NEBL: variants seen among roughly 807,000 people sequenced by gnomAD.
NEBL encodes LIM and SH3 protein 2.
Under a neutral mutation model 140.2 loss-of-function variants are expected in NEBL, and 122 were observed. That is an observed-to-expected ratio of 0.87 (90% CI 0.75 to 1.01). The LOEUF (loss-of-function observed/expected upper bound fraction) is 1.01. Ranked by LOEUF, NEBL falls within the 50% of genes least tolerant of loss-of-function variation. The probability of loss-of-function intolerance (pLI) is 0.00; values close to 1 mark genes in which losing one functional copy is unlikely to be tolerated. For missense variants in NEBL, 1,365 were observed against 1,231.3 expected (o/e 1.11, Z -1.62); for synonymous variants, 436 against 398.9 (o/e 1.09, Z -1.11).
At chr10:20,872,942 T>C (rs1258797386) in intron 5 of NEBL, among the ~76,000 whole-genome samples, 1 of 152,256 alleles carries the variant, frequency 6.6e-6, no homozygotes, top group Admixed American at 6.5e-5. Flanking sequence ...CTGCTCTGTC[T>C]ACGGAGTAGC....
chr10:21,278,363 G>A (rs1842949716), intron 1 of NEBL, among the ~76,000 whole-genome samples: 1 of 152,222 alleles, frequency 6.6e-6, no homozygotes, highest in Admixed American at 6.5e-5. Flanking sequence ...AGGATCACTT[G>A]AGCCCAGGAC....
intron 3 of NEBL, among the ~76,000 whole-genome samples, chr10:21,247,087 G>A (rs1842526342): frequency 6.6e-6 from 1 of 152,068 alleles, no homozygotes. Flanking sequence ...ATGTGAAGAT[G>A]TGCCTGCTTC....
chr10:21,092,188 T>C (rs1374674880), intron 2 of NEBL, among the ~76,000 whole-genome samples: 1 of 152,194 alleles, frequency 6.6e-6, no homozygotes, highest in Middle Eastern at 3.2e-3. Flanking sequence ...TGGTCTTTCA[T>C]TGATTGTGGG....
At chr10:21,038,694 T>C (rs553435904) in intron 2 of NEBL, among the ~76,000 whole-genome samples, 3 of 152,326 alleles carry the variant, frequency 2.0e-5, no homozygotes, top group African/African-American at 7.2e-5. Context: ...GTCTTTATAG[T>C]AGAATGATTT....
chr10:21,144,722 G>A (rs541898371), intron 2 of NEBL, among the ~76,000 whole-genome samples: 18 of 151,874 alleles, frequency 1.2e-4, no homozygotes, highest in South Asian at 6.2e-4. Flanking sequence ...GTGAGACTCT[G>A]TCTCAAAAAA....
At chr10:20,939,564 G>C (rs1834723831) in intron 4 of NEBL, among the ~76,000 whole-genome samples, 1 of 152,150 alleles carries the variant, frequency 6.6e-6, no homozygotes, top group Admixed American at 6.5e-5. Flanking sequence ...ATAATGACAG[G>C]ATCAAATTCA....
At chr10:21,043,449 T>G (rs1196872839) in intron 2 of NEBL, among the ~76,000 whole-genome samples, 1 of 152,214 alleles carries the variant, frequency 6.6e-6, no homozygotes, top group Non-Finnish European at 1.5e-5. Flanking sequence ...AATGCTAAAC[T>G]TTCTCATTTA....
intron 2 of NEBL, among the ~76,000 whole-genome samples, chr10:21,133,849 G>C (rs1318282334): frequency 6.6e-6 from 1 of 152,144 alleles, no homozygotes; most frequent in Non-Finnish European, 1.5e-5. Context: ...GGAACCACTT[G>C]ATGCTGATGG....
chr10:21,094,968 G>GGATCC (rs1158828109), intron 2 of NEBL, among the ~76,000 whole-genome samples: 1 of 152,148 alleles, frequency 6.6e-6, no homozygotes, highest in Non-Finnish European at 1.5e-5. Flanking sequence ...TTAGGTGAAG[G>GGATCC]GATCCAAAGT....
chr10:20,956,775 A>G (rs1447551719), intron 4 of NEBL, among the ~76,000 whole-genome samples: 9 of 152,202 alleles, frequency 5.9e-5, no homozygotes, highest in African/African-American at 1.9e-4. Flanking sequence ...CATATTTAAA[A>G]AAAAAAGTTT....
chr10:20,933,534 G>A (rs955331749), intron 4 of NEBL, among the ~76,000 whole-genome samples: 4 of 152,124 alleles, frequency 2.6e-5, no homozygotes, highest in African/African-American at 9.7e-5. Context: ...AGGAGTTCAA[G>A]ACCAGCCTGG....
intron 3 of NEBL, among the ~76,000 whole-genome samples, chr10:21,245,186 G>A (rs1455781691): frequency 1.3e-5 from 2 of 151,848 alleles, no homozygotes; most frequent in Non-Finnish European, 2.9e-5. Flanking sequence ...TAAAAAGTCA[G>A]CATTTATAAA....
At chr10:21,269,973 T>C (rs1842843023) in intron 1 of NEBL, among the ~76,000 whole-genome samples, 1 of 152,248 alleles carries the variant, frequency 6.6e-6, no homozygotes, top group African/African-American at 2.4e-5. Context: ...TTGTTTGTTT[T>C]CAAATTCTCT....
intron 2 of NEBL, among the ~76,000 whole-genome samples, chr10:21,048,509 T>G (rs611992): frequency 0.58 from 86,038 of 147,468 alleles, 25,021 homozygotes; most frequent in Non-Finnish European, 0.61. Flanking sequence ...TAGCACCACA[T>G]GAGTTTTAAA....
intron 4 of NEBL, among the ~76,000 whole-genome samples, chr10:20,923,342 T>C (rs1252430962): frequency 6.6e-6 from 1 of 152,010 alleles, no homozygotes; most frequent in Non-Finnish European, 1.5e-5. Flanking sequence ...ACTGGGATCA[T>C]AGGCATGAAA....
intron 3 of NEBL, among the ~76,000 whole-genome samples, chr10:20,964,993 A>G (rs562026467): frequency 6.6e-6 from 1 of 152,228 alleles, no homozygotes; most frequent in Non-Finnish European, 1.5e-5. Context: ...AAATACAAAC[A>G]TGTAAATTTC....
chr10:21,149,153 A>T (rs1417605508), intron 2 of NEBL, among the ~76,000 whole-genome samples: 13 of 152,200 alleles, frequency 8.5e-5, no homozygotes, highest in Non-Finnish European at 1.8e-4. Flanking sequence ...GAAGCGTCCC[A>T]AAAAGGCCCA....
At chr10:21,043,263 T>G (rs1349758630) in intron 2 of NEBL, among the ~76,000 whole-genome samples, 1 of 152,174 alleles carries the variant, frequency 6.6e-6, no homozygotes, top group African/African-American at 2.4e-5. Context: ...TTTCTTTTTT[T>G]CAATAAAATG....
intron 5 of NEBL, among the ~76,000 whole-genome samples, chr10:20,872,606 G>T (rs1033126833): frequency 1.3e-5 from 2 of 152,206 alleles, no homozygotes; most frequent in South Asian, 4.1e-4. Context: ...CTACTGGGCT[G>T]CATTCCCAGA....
Sources: allele counts gnomAD v4.1 joint callset (sites outside exome capture counted in the v4.1 genomes callset), GRCh38; gene constraint gnomAD v4.1.1; transcripts MANE v1.5; gene names NCBI Gene and HGNC (gene_info 2026-07-23, HGNC 2026-07-21).